The following CPNE4 variants were observed in gnomAD, a reference collection of about 807,000 sequenced individuals.
The protein encoded by CPNE4 is copine 4, also known as copine-4.
CPNE4 carries 25 observed loss-of-function variants against 67.9 expected under a neutral mutation model. That is an observed-to-expected ratio of 0.37 (90% CI 0.27 to 0.51). The LOEUF (loss-of-function observed/expected upper bound fraction) is 0.51. Among genes scored for constraint, CPNE4 ranks in the 20% least tolerant of loss-of-function variants. The pLI is 0.93. For synonymous variants in CPNE4, 242 were observed against 244.9 expected (o/e 0.99, Z 0.11); for missense variants, 464 against 690.8 (o/e 0.67, Z 3.68).
chr3:131,547,209 C>A (rs947857493), intron 14 of CPNE4, among the ~76,000 whole-genome samples: 7 of 151,764 alleles, frequency 4.6e-5, no homozygotes, highest in East Asian at 1.9e-4. Context: ...AACCCCAGAA[C>A]GTTGGGAGGC....
chr3:131,866,991 A>G (rs1418981975), intron 2 of CPNE4, among the ~76,000 whole-genome samples: 1 of 152,220 alleles, frequency 6.6e-6, no homozygotes, highest in East Asian at 1.9e-4. Context: ...AAACAGGAAT[A>G]AGACACCACC....
At position 131,752,134 on chromosome 3, in the gene CPNE4, G is replaced by A. The variant is rs539860226; in HGVS notation, c.181-28509C>T. On this transcript the variant is annotated intron_variant, in intron 2 of 15. Coordinates refer to ENST00000429747, the MANE Select transcript of CPNE4 (RefSeq NM_130808.3). ...GTGATCTTTAATCCCAATGCAAGTT[G>A]GAGAGCTTTTACCAGCCAGTGGGGG... Among the ~76,000 whole-genome samples, 107 of 152,110 alleles carry A rather than the reference G, an allele frequency of 7.0e-4. 1 individual carries two copies. The highest frequency in any genetic ancestry group is 1.2e-3 in the Non-Finnish European group (82 of 68,012).
chr3:131,844,663 C>T (rs1031387528), intron 2 of CPNE4, among the ~76,000 whole-genome samples: 1 of 152,296 alleles, frequency 6.6e-6, no homozygotes, highest in South Asian at 2.1e-4. Context: ...TAATTATTAA[C>T]ATATTACTAG....
chr3:131,918,994 A>G (rs1360323121), intron 1 of CPNE4, among the ~76,000 whole-genome samples: 5 of 152,164 alleles, frequency 3.3e-5, no homozygotes, highest in African/African-American at 1.2e-4. Flanking sequence ...GAGAATGCCC[A>G]GGAAACAGTG....
chr3:131,705,320 A>G (rs1179453459), intron 3 of CPNE4, among the ~76,000 whole-genome samples: 1 of 152,148 alleles, frequency 6.6e-6, no homozygotes, highest in Non-Finnish European at 1.5e-5. Flanking sequence ...CCCCAGACCC[A>G]CTGAATCCAA....
chr3:131,734,074 G>A (rs774798751), intron 2 of CPNE4, among the ~76,000 whole-genome samples: 5 of 152,142 alleles, frequency 3.3e-5, no homozygotes, highest in Admixed American at 2.0e-4. Flanking sequence ...CCTTCACCAA[G>A]TCCTTTAGAA....
chr3:131,971,667 G>C (rs1028301285), intron 1 of CPNE4, among the ~76,000 whole-genome samples: 1 of 152,056 alleles, frequency 6.6e-6, no homozygotes, highest in African/African-American at 2.4e-5. Context: ...TGGAAGTCTG[G>C]TCTCTAAGGG....
chr3:131,670,226 T>G (rs569570853), intron 6 of CPNE4, among the ~76,000 whole-genome samples: 6 of 152,266 alleles, frequency 3.9e-5, no homozygotes, highest in Admixed American at 3.9e-4. Flanking sequence ...TTGGATGGTC[T>G]GGTAATCTGT....
At chr3:131,825,257 TG>T (rs1201082528) in intron 2 of CPNE4, among the ~76,000 whole-genome samples, 1 of 151,990 alleles carries the variant, frequency 6.6e-6, no homozygotes, top group Non-Finnish European at 1.5e-5. Flanking sequence ...TAGCACTTTG[TG>T]GGGCTGAGGT....
intron 7 of CPNE4, among the ~76,000 whole-genome samples, chr3:131,611,148 A>C (rs1319845895): frequency 6.6e-6 from 1 of 152,194 alleles, no homozygotes; most frequent in East Asian, 1.9e-4. Flanking sequence ...CACTGCCTAT[A>C]ACAGTGTGAA....
intron 12 of CPNE4, among the ~76,000 whole-genome samples, chr3:131,555,154 A>T (rs922456745): frequency 1.3e-5 from 2 of 152,018 alleles, no homozygotes; most frequent in Non-Finnish European, 2.9e-5. Flanking sequence ...TTGCCAATAG[A>T]ATTCTATTTC....
intron 1 of CPNE4, among the ~76,000 whole-genome samples, chr3:132,034,025 AAC>A (rs71796616): frequency 0.022 from 3,421 of 152,258 alleles, 51 homozygotes; most frequent in East Asian, 0.11. Flanking sequence ...ATTAGTTTTT[AAC>A]ACTGAGAAGA....
At chr3:131,847,789 A>G (rs1045925287) in intron 2 of CPNE4, among the ~76,000 whole-genome samples, 4 of 152,066 alleles carry the variant, frequency 2.6e-5, no homozygotes, top group Admixed American at 2.6e-4. Context: ...TGGGAGGATG[A>G]GGAAGCTTGA....
intron 1 of CPNE4, among the ~76,000 whole-genome samples, chr3:131,975,439 T>C (rs2072622448): frequency 6.6e-6 from 1 of 152,216 alleles, no homozygotes; most frequent in African/African-American, 2.4e-5. Flanking sequence ...TTGGATTCAT[T>C]TACCCGAGGC....
At chr3:131,978,556 A>G (rs2072816261) in intron 1 of CPNE4, among the ~76,000 whole-genome samples, 1 of 91,370 alleles carries the variant, frequency 1.1e-5, no homozygotes, top group South Asian at 3.4e-4. Flanking sequence ...ATATATATAT[A>G]TATGCCACAG....
At chr3:131,544,915 A>C (rs1935741752) in intron 14 of CPNE4, among the ~76,000 whole-genome samples, 1 of 152,134 alleles carries the variant, frequency 6.6e-6, no homozygotes, top group Non-Finnish European at 1.5e-5. Flanking sequence ...CAGTGGATGA[A>C]TCTCCCCTAC....
At chr3:131,863,890 T>C (rs1015599743) in intron 2 of CPNE4, among the ~76,000 whole-genome samples, 13 of 152,212 alleles carry the variant, frequency 8.5e-5, no homozygotes, top group African/African-American at 2.7e-4. Flanking sequence ...GTATAAGGTG[T>C]AAGGAAGGGA....
At chr3:131,718,135 C>T (rs927371242) in intron 3 of CPNE4, among the ~76,000 whole-genome samples, 3 of 151,908 alleles carry the variant, frequency 2.0e-5, no homozygotes, top group African/African-American at 7.3e-5. Context: ...GCTGGAATTA[C>T]AGGCGCCTGC....
intron 7 of CPNE4, among the ~76,000 whole-genome samples, chr3:131,657,704 TTG>T (rs56890555): frequency 0.43 from 60,627 of 140,468 alleles, 14,014 homozygotes; most frequent in Non-Finnish European, 0.53. Flanking sequence ...CCAGCTAATT[TTG>T]TGTGTGTGTG....
Sources: gnomAD v4.1 joint callset for allele counts (sites outside exome capture counted in the v4.1 genomes callset) on GRCh38, gnomAD v4.1.1 for gene constraint, MANE v1.5 for transcripts, NCBI Gene and HGNC (gene_info 2026-07-23, HGNC 2026-07-21) for gene names.